Variants in TXNDC15 observed in about 807,000 individuals in gnomAD.
The protein encoded by TXNDC15 is thioredoxin domain containing 15, also known as thioredoxin domain-containing protein 15.
TXNDC15 carries 24 observed loss-of-function variants against 35.0 expected under a neutral mutation model. The observed-to-expected ratio is 0.68, with a 90% CI of 0.50 to 0.96. TXNDC15 has a LOEUF of 0.96. TXNDC15 is among the 40% of genes least tolerant of loss of function. TXNDC15 has a pLI of 0.00. For synonymous variants in TXNDC15, 169 were observed against 174.0 expected, an observed-to-expected ratio of 0.97 and a Z score of 0.23; for missense variants, 385 against 453.3, an observed-to-expected ratio of 0.85 and a Z score of 1.37.
At chr5:134,881,762 G>A (rs1364983046) in intron 1 of TXNDC15, among the ~76,000 whole-genome samples, 5 of 149,176 alleles carry the variant, frequency 3.4e-5, no homozygotes, top group African/African-American at 1.2e-4. Flanking sequence ...CAGTAGGGGC[G>A]GCCGGGCAGA....
intron 1 of TXNDC15, among the ~76,000 whole-genome samples, chr5:134,886,979 G>T (rs1750288251): frequency 1.3e-5 from 2 of 152,136 alleles, no homozygotes; most frequent in Admixed American, 6.6e-5. Flanking sequence ...TGTTCTAGTA[G>T]AATCTTGCAT....
At chr5:134,883,521 C>G (rs1434402932) in intron 1 of TXNDC15, among the ~76,000 whole-genome samples, 2 of 139,628 alleles carry the variant, frequency 1.4e-5, no homozygotes, top group South Asian at 4.6e-4. Context: ...GTGGTAGAAT[C>G]GCTTGAACCC....
intron 2 of TXNDC15, among the ~76,000 whole-genome samples, chr5:134,888,778 G>A (rs1224926621): frequency 3.3e-5 from 5 of 152,050 alleles, no homozygotes; most frequent in Admixed American, 1.3e-4. Context: ...CACCGTGCCC[G>A]GCCATTTTTC....
intron 2 of TXNDC15, among the ~76,000 whole-genome samples, chr5:134,888,602 G>A (rs1750325751): frequency 1.3e-5 from 2 of 152,136 alleles, no homozygotes; most frequent in Admixed American, 6.5e-5. Flanking sequence ...TCCTGCCTCA[G>A]TCTCCCATGT....
At chr5:134,878,264 G>A (rs577164784) in intron 1 of TXNDC15, among the ~76,000 whole-genome samples, 70 of 152,276 alleles carry the variant, frequency 4.6e-4, no homozygotes, top group Middle Eastern at 3.4e-3. Context: ...TCTTTGAATT[G>A]TAAACACCAC....
At chr5:134,886,942 A>G (rs1750287567) in intron 1 of TXNDC15, among the ~76,000 whole-genome samples, 2 of 152,210 alleles carry the variant, frequency 1.3e-5, no homozygotes, top group Non-Finnish European at 2.9e-5. Flanking sequence ...ATCTCACAGG[A>G]CTGTTATAAT....
chr5:134,877,994 C>T (rs1007775094), intron 1 of TXNDC15, among the ~76,000 whole-genome samples: 17 of 151,470 alleles, frequency 1.1e-4, no homozygotes, highest in African/African-American at 3.6e-4. Context: ...AGGCTGGTCT[C>T]GAACTCCTGA....
At chr5:134,883,308 C>G (rs1417442800) in intron 1 of TXNDC15, among the ~76,000 whole-genome samples, 2 of 152,086 alleles carry the variant, frequency 1.3e-5, no homozygotes, top group Non-Finnish European at 2.9e-5. Flanking sequence ...GCCTGTAATC[C>G]CAGCTATTCA....
At chr5:134,879,957 G>A (rs879905773) in intron 1 of TXNDC15, among the ~76,000 whole-genome samples, 2 of 152,060 alleles carry the variant, frequency 1.3e-5, no homozygotes, top group African/African-American at 2.4e-5. Context: ...CGCCACATCT[G>A]GCTAATTTTT....
At chr5:134,874,013 C>T (rs1749970825), upstream of TXNDC15, 1 of 161,470 alleles carries the variant, frequency 6.2e-6, no homozygotes, top group Non-Finnish European at 1.3e-5. Context: ...GTTTCTGCAC[C>T]TCGATGGGAC....
chr5:134,899,357 A>G, intron 4 of TXNDC15, 132 bp from the exon 5 acceptor site: 1 of 699,670 alleles, frequency 1.4e-6, no homozygotes, highest in Non-Finnish European at 2.3e-6. Flanking sequence ...CATCCCATAT[A>G]TTTATATATA....
intron 1 of TXNDC15, among the ~76,000 whole-genome samples, chr5:134,877,174 A>T (rs1364270028): frequency 6.6e-6 from 1 of 152,112 alleles, no homozygotes; most frequent in Non-Finnish European, 1.5e-5. Flanking sequence ...AATGAGGAGG[A>T]TGAAGGATTT....
chr5:134,884,728 A>G (rs1750241081), intron 1 of TXNDC15, among the ~76,000 whole-genome samples: 1 of 152,176 alleles, frequency 6.6e-6, no homozygotes, highest in South Asian at 2.1e-4. Context: ...CAATACAGTT[A>G]CAATTATTGT....
rs538889958 is a variant in TXNDC15 at position 134,874,469 on chromosome 5, G to A, written c.42G>A (p.Arg14=). ...AAGRRPPRVM[R]LLGWWQVLLW... ...GTCGACGACCGCCCCGCGTCATGCG[G>A]CTCCTCGGCTGGTGGCAAGTATTGC... The change falls in exon 1 of 5, where the codon CGG becomes CGA. Residue 14 remains arginine, a synonymous_variant. Transcript: ENST00000358387. 5.0e-6 allele frequency: 8 copies of A among 1,605,910 alleles called. No homozygotes were observed. The East Asian group carries it at 1.8e-4, about 36-fold the overall frequency.
chr5:134,877,774 A>AT (rs1286005565), intron 1 of TXNDC15, among the ~76,000 whole-genome samples: 363 of 136,384 alleles, frequency 2.7e-3, no homozygotes, highest in African/African-American at 4.1e-3. Flanking sequence ...TGCCTGGCTA[A>AT]TTTTTTTTTT....
intron 1 of TXNDC15, among the ~76,000 whole-genome samples, chr5:134,880,808 A>G (rs1750126718): frequency 6.6e-6 from 1 of 151,898 alleles, no homozygotes; most frequent in African/African-American, 2.4e-5. Context: ...TCCAGTGAGA[A>G]ACCTGTTGTT....
intron 1 of TXNDC15, among the ~76,000 whole-genome samples, chr5:134,877,607 A>C (rs963541384): frequency 6.8e-6 from 1 of 147,254 alleles, no homozygotes; most frequent in Non-Finnish European, 1.5e-5. Flanking sequence ...AGCAGGTGAA[A>C]TTTTTTTTTT....
chr5:134,882,418 G>T (rs1039900871), intron 1 of TXNDC15, among the ~76,000 whole-genome samples: 1 of 152,152 alleles, frequency 6.6e-6, no homozygotes, highest in Non-Finnish European at 1.5e-5. Flanking sequence ...AGGCAGAGAC[G>T]CTCCTCACTT....
At chr5:134,895,752 A>T (rs1750477314) in intron 3 of TXNDC15, among the ~76,000 whole-genome samples, 2 of 152,156 alleles carry the variant, frequency 1.3e-5, no homozygotes, top group Non-Finnish European at 2.9e-5. Context: ...GCTTATCACC[A>T]CTAGTCTGTA....
Sources: allele counts gnomAD v4.1 joint callset (sites outside exome capture counted in the v4.1 genomes callset), GRCh38; gene constraint gnomAD v4.1.1; transcripts MANE v1.5; gene names NCBI Gene and HGNC (gene_info 2026-07-23, HGNC 2026-07-21).